Variants in HS3ST4 observed in about 807,000 individuals in gnomAD.
HS3ST4 encodes the protein heparan sulfate-glucosamine 3-sulfotransferase 4, also known as heparan sulfate glucosamine 3-O-sulfotransferase 4.
HS3ST4 carries 17 observed loss-of-function variants against 29.2 expected under a neutral mutation model. The observed-to-expected ratio is 0.58, with a 90% CI of 0.40 to 0.87. The LOEUF (loss-of-function observed/expected upper bound fraction) is 0.87. Among genes scored for constraint, HS3ST4 ranks in the 40% least tolerant of loss-of-function variants. The pLI is 0.00. For synonymous variants in HS3ST4, 314 were observed against 285.7 expected (o/e 1.10, Z -1.00); for missense variants, 627 against 634.5 (o/e 0.99, Z 0.13).
intron 1 of HS3ST4, among the ~76,000 whole-genome samples, chr16:25,759,267 A>G (rs1966775275): frequency 6.6e-6 from 1 of 152,246 alleles, no homozygotes; most frequent in South Asian, 2.1e-4. Flanking sequence ...GCACTGTGTT[A>G]AGGGCTGTGT....
rs1438549336 is a variant in HS3ST4 at position 25,692,067 on chromosome 16, G to C, written c.-351G>C. On this transcript the variant is annotated 5_prime_UTR_variant, in exon 1 of 2. Transcript: ENST00000331351. ...CGGCAGAGGCTGAAGCAGAAGCCGC[G>C]GCGGAGCCGGGGAAGCGGGGGCGCT... 1 of 151,110 alleles carries C rather than the reference G, an allele frequency of 6.6e-6. No homozygotes were observed. The highest frequency in any genetic ancestry group is 6.6e-5 in the Admixed American group (1 of 15,202). The allele number at this position is 151,110 out of a possible 1,614,324, so 9.4% of individuals were successfully genotyped here. A position where few individuals can be genotyped will look rare whatever the true frequency, so the allele number is the denominator to read the frequency against.
chr16:25,692,858 C>T lies in HS3ST4; in HGVS notation c.441C>T (p.Ser147=), dbSNP rs1387705410. 3 of 1,482,884 alleles carry T rather than the reference C, an allele frequency of 2.0e-6. No homozygotes were observed. The highest frequency in any genetic ancestry group is 2.7e-6 in the Non-Finnish European group (3 of 1,116,538). The allele number at this position is 1,482,884 out of a possible 1,614,324, so 91.9% of individuals were successfully genotyped here. Residue 147 remains serine, a synonymous_variant, in exon 1 of 2, where the codon AGC becomes AGT. Transcript: ENST00000331351. Reference sequence around the variant, plus strand: ...GGCTCCGGACCCCGCTGGCCCCCAGCGAGATGATCACGGCTCAGAGCGCGC... The same window carrying T: ...GGCTCCGGACCCCGCTGGCCCCCAGTGAGATGATCACGGCTCAGAGCGCGC... ...DAWLRTPLAP[S]EMITAQSALP... is the part of the protein sequence containing the mutation.
At chr16:25,716,863 G>A (rs1483773027) in intron 1 of HS3ST4, among the ~76,000 whole-genome samples, 1 of 152,172 alleles carries the variant, frequency 6.6e-6, no homozygotes, top group East Asian at 1.9e-4. Flanking sequence ...AGACCAGCCT[G>A]GCCAACATGG....
chr16:26,084,872 A>C (rs1374247872), intron 1 of HS3ST4, among the ~76,000 whole-genome samples: 1 of 152,088 alleles, frequency 6.6e-6, no homozygotes, highest in African/African-American at 2.4e-5. Context: ...AGCCTCCCAA[A>C]GTGCAGGGAT....
rs540925209 is a variant in HS3ST4, at chr16:26,100,648, C to T, written c.735-34964C>T. Reference sequence around the variant, plus strand: ...TCTCTGATAATGAGGAAACTTTTCCCCTCTGATTTATGAAAATTAGCACCA... The same window carrying T: ...TCTCTGATAATGAGGAAACTTTTCCTCTCTGATTTATGAAAATTAGCACCA... On this transcript the variant is annotated intron_variant, in intron 1 of 1. Transcript: ENST00000331351. Among the ~76,000 whole-genome samples the T allele has an allele frequency of 3.3e-5, 5 of 152,258 alleles. No homozygotes were observed. In the South Asian group the frequency reaches 1.0e-3, roughly 32 times the overall value.
At chr16:25,828,292 CTTTCTTTCCCT>C (rs1967251257) in intron 1 of HS3ST4, among the ~76,000 whole-genome samples, 8 of 81,040 alleles carry the variant, frequency 9.9e-5, no homozygotes, top group Admixed American at 1.5e-4. Context: ...TTCTTTCTTT[CTTTCTTTCCCT>C]CTCTCTCTCT....
Position 25,834,627 on chromosome 16 carries a change from G to A in HS3ST4, c.734+141476G>A, listed in dbSNP as rs535761181. On this transcript the variant is annotated intron_variant, in intron 1 of 1. Transcript: ENST00000331351. ...ATATATATGTATATAGTTGCATATT[G>A]TGTAGGGATGAATATTTATAAGAAA... Among the ~76,000 whole-genome samples the A allele has an allele frequency of 1.7e-3, 252 of 152,248 alleles. 5 individuals are homozygous for A. The highest frequency in any genetic ancestry group is 5.8e-3 in the African/African-American group (241 of 41,542).
chr16:25,974,191 C>A (rs1334540088), intron 1 of HS3ST4, among the ~76,000 whole-genome samples: 5 of 152,188 alleles, frequency 3.3e-5, no homozygotes, highest in Non-Finnish European at 7.3e-5. Context: ...TTTCTCTTAG[C>A]TGTATTTATC....
At chr16:26,108,631 C>A (rs572196289) in intron 1 of HS3ST4, among the ~76,000 whole-genome samples, 61 of 152,280 alleles carry the variant, frequency 4.0e-4, no homozygotes, top group African/African-American at 1.4e-3. Context: ...AAATAATTTT[C>A]ACCCCAGAGG....
chr16:25,722,010 CTATTT>C (rs202065601), intron 1 of HS3ST4, among the ~76,000 whole-genome samples: 1,654 of 152,256 alleles, frequency 0.011, 9 homozygotes, highest in Non-Finnish European at 0.019. Flanking sequence ...CTAGTGCACC[CTATTT>C]TATTAAACTC....
intron 1 of HS3ST4, among the ~76,000 whole-genome samples, chr16:26,006,972 G>C (rs1969264476): frequency 6.6e-6 from 1 of 152,238 alleles, no homozygotes; most frequent in African/African-American, 2.4e-5. Flanking sequence ...CAGCTTGGAG[G>C]TTAAAGGCAC....
chr16:25,767,755 CAA>C (rs1966829762), intron 1 of HS3ST4, among the ~76,000 whole-genome samples: 1 of 152,108 alleles, frequency 6.6e-6, no homozygotes, highest in African/African-American at 2.4e-5. Context: ...GGCAAACGCT[CAA>C]GAGATATTTC....
intron 1 of HS3ST4, among the ~76,000 whole-genome samples, chr16:25,935,267 C>A (rs1968507165): frequency 6.6e-6 from 1 of 152,160 alleles, no homozygotes; most frequent in African/African-American, 2.4e-5. Context: ...TGATCAACAT[C>A]CCCCACCAGA....
chr16:26,060,750 T>C (rs1208315094), intron 1 of HS3ST4, among the ~76,000 whole-genome samples: 1 of 152,162 alleles, frequency 6.6e-6, no homozygotes, highest in Admixed American at 6.5e-5. Context: ...AAAGCAGCAG[T>C]TTCTATTTCT....
intron 1 of HS3ST4, among the ~76,000 whole-genome samples, chr16:26,032,986 T>C (rs1969545892): frequency 6.6e-6 from 1 of 152,046 alleles, no homozygotes; most frequent in Non-Finnish European, 1.5e-5. Context: ...TAGGAAAAAG[T>C]GGCCCTAGCT....
In HS3ST4 at chr16:25,732,931, A is replaced by G. The variant is rs139610117; in HGVS notation, c.734+39780A>G. Among the ~76,000 whole-genome samples the G allele has an allele frequency of 3.3e-5, 5 of 152,290 alleles. No homozygotes were observed. In the East Asian group the frequency reaches 9.7e-4, roughly 29 times the overall value. ...ATAGCCCTGTGCCTAGCCCTGCTAC[A>G]CATCAATAAAATGGCAACGTCTGTC... On this transcript the variant is annotated intron_variant, in intron 1 of 1. Transcript: ENST00000331351.
At chr16:25,779,059 T>A (rs1278485726) in intron 1 of HS3ST4, among the ~76,000 whole-genome samples, 2 of 152,194 alleles carry the variant, frequency 1.3e-5, no homozygotes, top group Non-Finnish European at 2.9e-5. Flanking sequence ...AAACCTTGTC[T>A]CTTACAGCTG....
chr16:25,753,985 G>A (rs957332621), intron 1 of HS3ST4, among the ~76,000 whole-genome samples: 2 of 152,096 alleles, frequency 1.3e-5, no homozygotes, highest in Admixed American at 6.6e-5. Context: ...AATATACAAC[G>A]TAATTTAAGA....
intron 1 of HS3ST4, among the ~76,000 whole-genome samples, chr16:25,938,426 C>A (rs1968539370): frequency 6.6e-6 from 1 of 152,092 alleles, no homozygotes; most frequent in Non-Finnish European, 1.5e-5. Flanking sequence ...GCATCTTCTG[C>A]CAGGGATCCA....
Sources: gnomAD v4.1 joint callset for allele counts (sites outside exome capture counted in the v4.1 genomes callset) on GRCh38, gnomAD v4.1.1 for gene constraint, MANE v1.5 for transcripts, NCBI Gene and HGNC (gene_info 2026-07-23, HGNC 2026-07-21) for gene names.